PSD3: variants seen among roughly 807,000 people sequenced by gnomAD.
PSD3 encodes the protein pleckstrin and Sec7 domain containing 3.
PSD3 carries 49 observed loss-of-function variants against 105.5 expected under a neutral mutation model. That is an observed-to-expected ratio of 0.46 (90% CI 0.37 to 0.59). The LOEUF (loss-of-function observed/expected upper bound fraction) is 0.59, where lower values mean the gene tolerates loss of function less well. Ranked by LOEUF, PSD3 falls within the 20% of genes least tolerant of loss-of-function variation. The probability of loss-of-function intolerance (pLI) is 0.00; values close to 1 mark genes in which losing one functional copy is unlikely to be tolerated. For synonymous variants in PSD3, 557 were observed against 457.8 expected, an observed-to-expected ratio of 1.22 and a Z score of -2.77; for missense variants, 1,561 against 1,263.8, an observed-to-expected ratio of 1.24 and a Z score of -3.57.
At chr8:18,729,236 C>T (rs2129430543) in intron 9 of PSD3, among the ~76,000 whole-genome samples, 1 of 152,294 alleles carries the variant, frequency 6.6e-6, no homozygotes, top group African/African-American at 2.4e-5. Context: ...CCCCACAATC[C>T]ACAAACCTAT....
intron 1 of PSD3, among the ~76,000 whole-genome samples, chr8:19,075,780 CTT>C (rs1186439851): frequency 3.9e-5 from 6 of 152,174 alleles, no homozygotes. Flanking sequence ...CAAAATGCCT[CTT>C]TGCATGTATG....
intron 9 of PSD3, among the ~76,000 whole-genome samples, chr8:18,701,075 C>T (rs1801549380): frequency 6.6e-6 from 1 of 152,038 alleles, no homozygotes; most frequent in East Asian, 1.9e-4. Context: ...AAGCAATCCT[C>T]TCACCCCAGC....
chr8:18,800,988 A>G (rs1222882438), intron 7 of PSD3: 1 of 196,032 alleles, frequency 5.1e-6, no homozygotes, highest in Non-Finnish European at 1.0e-5. Context: ...TAATTTAAGT[A>G]AGAGTAGAGG....
intron 1 of PSD3, among the ~76,000 whole-genome samples, chr8:19,007,470 C>T (rs562107682): frequency 6.6e-6 from 1 of 152,168 alleles, no homozygotes; most frequent in South Asian, 2.1e-4. Context: ...TACTGACTAT[C>T]TTATTGGACA....
chr8:18,749,515 G>C (rs1192400296), intron 9 of PSD3, among the ~76,000 whole-genome samples: 1 of 152,160 alleles, frequency 6.6e-6, no homozygotes, highest in African/African-American at 2.4e-5. Flanking sequence ...TGTTCATCTA[G>C]CCACTGCTAA....
intron 13 of PSD3, among the ~76,000 whole-genome samples, chr8:18,573,910 T>C (rs79104851): frequency 0.045 from 6,854 of 152,202 alleles, 247 homozygotes; most frequent in Middle Eastern, 0.14. Flanking sequence ...ATCACTGAAA[T>C]GTACATTTCA....
In PSD3 at chr8:18,889,033, C is replaced by T. The variant is rs563420045; in HGVS notation, c.131-16300G>A. 5.9e-5 allele frequency among the ~76,000 whole-genome samples: 9 copies of T among 151,948 alleles called. No homozygotes were observed. The East Asian group carries it at 1.2e-3, about 20-fold the overall frequency. ...TCTTCACATGGGGGAGAAATTTACA[C>T]GGGTCAGGTTACTGAATTCAAGTTT... On this transcript the variant is annotated intron_variant, in intron 2 of 15. Transcript: ENST00000327040.
intron 9 of PSD3, among the ~76,000 whole-genome samples, chr8:18,711,288 A>G (rs771397352): frequency 6.6e-6 from 1 of 152,204 alleles, no homozygotes; most frequent in Admixed American, 6.5e-5. Context: ...ACACATAACA[A>G]TATGAACCTT....
At chr8:18,806,464 C>T (rs767229683) in intron 4 of PSD3, among the ~76,000 whole-genome samples, 3 of 152,192 alleles carry the variant, frequency 2.0e-5, no homozygotes, top group Non-Finnish European at 4.4e-5. Context: ...AATGAGGATA[C>T]ATTAATTTCC....
At position 18,721,679 on chromosome 8, in the gene PSD3, A is replaced by G. The variant is rs1802983078; in HGVS notation, c.2172+43770T>C. On this transcript the variant is annotated intron_variant, in intron 9 of 15. Transcript: ENST00000327040. ...AACCATACTGCATAAACCGATGATC[A>G]TTCTGGAATATGTGTCCTATTAACA... Among the ~76,000 whole-genome samples, 6 of 152,172 alleles carry G rather than the reference A, an allele frequency of 3.9e-5. No homozygotes were observed. In the South Asian group the frequency reaches 1.2e-3, roughly 32 times the overall value.
intron 2 of PSD3, among the ~76,000 whole-genome samples, chr8:18,923,665 G>T (rs1821175207): frequency 1.3e-5 from 2 of 152,150 alleles, no homozygotes; most frequent in African/African-American, 4.8e-5. Flanking sequence ...TGTGCAGTAG[G>T]TATACTATCT....
intron 1 of PSD3, among the ~76,000 whole-genome samples, chr8:19,065,094 GT>G (rs1352379919): frequency 2.0e-5 from 3 of 152,176 alleles, no homozygotes; most frequent in African/African-American, 7.2e-5. Flanking sequence ...GCATAAGGAA[GT>G]CCCCTCTGTT....
At chr8:18,730,510 G>C (rs184754855) in intron 9 of PSD3, among the ~76,000 whole-genome samples, 2 of 152,258 alleles carry the variant, frequency 1.3e-5, no homozygotes, top group East Asian at 3.9e-4. Flanking sequence ...TAACGAAGTT[G>C]ACCCTTAGTA....
intron 9 of PSD3, among the ~76,000 whole-genome samples, chr8:18,672,066 C>G (rs957707670): frequency 6.6e-6 from 1 of 152,122 alleles, no homozygotes; most frequent in African/African-American, 2.4e-5. Flanking sequence ...AATAAAGATT[C>G]TGGAATGTAC....
intron 4 of PSD3, among the ~76,000 whole-genome samples, chr8:18,832,953 C>G (rs1439376210): frequency 6.6e-6 from 1 of 152,166 alleles, no homozygotes; most frequent in Admixed American, 6.5e-5. Flanking sequence ...GGTGGGGACA[C>G]AGCCAAACCA....
intron 10 of PSD3, among the ~76,000 whole-genome samples, chr8:18,655,061 C>A (rs1367848804): frequency 6.6e-6 from 1 of 152,082 alleles, no homozygotes; most frequent in Non-Finnish European, 1.5e-5. Context: ...TGGTCGCTCA[C>A]TCCTGTAATC....
chr8:18,940,972 C>G (rs1156305159), intron 1 of PSD3, among the ~76,000 whole-genome samples: 1 of 152,198 alleles, frequency 6.6e-6, no homozygotes, highest in African/African-American at 2.4e-5. Context: ...ATTAGTTATT[C>G]TTGAAGCTGT....
intron 1 of PSD3, among the ~76,000 whole-genome samples, chr8:19,083,038 C>T (rs1021311975): frequency 6.6e-6 from 1 of 152,072 alleles, no homozygotes; most frequent in Non-Finnish European, 1.5e-5. Flanking sequence ...CGCAGTACCC[C>T]CTCTAAGCCC....
rs148473087 is a variant in PSD3, at chr8:18,956,509, T to A, written c.22-20367A>T. Among the ~76,000 whole-genome samples, 116 of 152,282 alleles carry A rather than the reference T, an allele frequency of 7.6e-4. 1 individual carries two copies. Among genetic ancestry groups the A allele is most frequent in the Middle Eastern group, 3.4e-3 (1 of 294 alleles). The stretch of plus-strand genomic sequence containing the variant: ...TCAGGCTCAAGAGTTTAGAGTATAT[T>A]TAGTTGGTAGTCAATTTAAGGAAAG... On this transcript the variant is annotated intron_variant, in intron 1 of 15. Coordinates refer to ENST00000327040, the MANE Select transcript of PSD3 (RefSeq NM_015310.4).
Sources: gnomAD v4.1 joint callset for allele counts (sites outside exome capture counted in the v4.1 genomes callset) on GRCh38, gnomAD v4.1.1 for gene constraint, MANE v1.5 for transcripts, NCBI Gene and HGNC (gene_info 2026-07-23, HGNC 2026-07-21) for gene names.